Variants in VIPR2 observed in about 807,000 individuals in gnomAD.
VIPR2 encodes the protein vasoactive intestinal peptide receptor 2.
A neutral mutation model predicts 58.0 loss-of-function variants in VIPR2; 48 were observed. That is an observed-to-expected ratio of 0.83 (90% CI 0.66 to 1.05). VIPR2 has a LOEUF of 1.05. Among genes scored for constraint, VIPR2 ranks in the 50% least tolerant of loss-of-function variants. VIPR2 has a pLI of 0.00. For missense variants in VIPR2, 534 were observed against 558.0 expected (o/e 0.96, Z 0.43); for synonymous variants, 243 against 235.2 (o/e 1.03, Z -0.30).
intron 4 of VIPR2, among the ~76,000 whole-genome samples, chr7:159,069,946 T>C (rs1220725413): frequency 6.6e-6 from 1 of 152,198 alleles, no homozygotes; most frequent in African/African-American, 2.4e-5. Flanking sequence ...CTTCTGTAGT[T>C]TGTCAACCCG....
intron 2 of VIPR2, among the ~76,000 whole-genome samples, chr7:159,117,770 G>C (rs1796295454): frequency 6.6e-6 from 1 of 152,224 alleles, no homozygotes; most frequent in Non-Finnish European, 1.5e-5. Flanking sequence ...CAGTGACCAA[G>C]TGTCAGCAGG....
chr7:159,091,678 C>T (rs1857512629), intron 4 of VIPR2, among the ~76,000 whole-genome samples: 1 of 152,124 alleles, frequency 6.6e-6, no homozygotes, highest in Admixed American at 6.5e-5. Flanking sequence ...TGGCCTCCTC[C>T]TGTGGTTCCC....
At chr7:159,100,851 G>A (rs976442658) in intron 4 of VIPR2, among the ~76,000 whole-genome samples, 5 of 147,338 alleles carry the variant, frequency 3.4e-5, no homozygotes, top group Admixed American at 6.9e-5. Flanking sequence ...CTGTTCCCCC[G>A]ACTGTTCCTG....
chr7:159,040,916 C>G (rs1225967426), intron 6 of VIPR2, among the ~76,000 whole-genome samples: 1 of 152,206 alleles, frequency 6.6e-6, no homozygotes, highest in Non-Finnish European at 1.5e-5. Context: ...ATGCTTTTCC[C>G]TTTGCCTCTG....
At chr7:159,063,313 T>C (rs1855830714) in intron 4 of VIPR2, among the ~76,000 whole-genome samples, 1 of 152,150 alleles carries the variant, frequency 6.6e-6, no homozygotes, top group Admixed American at 6.5e-5. Context: ...CCGCGAGAAT[T>C]CGAGCACACT....
chr7:159,071,297 C>T (rs1224643503), intron 4 of VIPR2, among the ~76,000 whole-genome samples: 2 of 152,180 alleles, frequency 1.3e-5, no homozygotes, highest in Admixed American at 6.5e-5. Context: ...CCTAGGAGGC[C>T]TCTCCCTCTG....
At chr7:159,087,013 G>A (rs994581172) in intron 4 of VIPR2, among the ~76,000 whole-genome samples, 4 of 152,126 alleles carry the variant, frequency 2.6e-5, no homozygotes, top group East Asian at 1.9e-4. Context: ...AGTGAGATAC[G>A]TCTTCCCAAC....
intron 4 of VIPR2, among the ~76,000 whole-genome samples, chr7:159,062,302 C>T (rs1855730474): frequency 6.6e-6 from 1 of 152,140 alleles, no homozygotes; most frequent in Non-Finnish European, 1.5e-5. Context: ...GCGAGGTGTT[C>T]GTAATTCGTG....
intron 4 of VIPR2, among the ~76,000 whole-genome samples, chr7:159,073,291 A>G (rs866165372): frequency 1.3e-5 from 2 of 152,330 alleles, no homozygotes; most frequent in Middle Eastern, 3.4e-3. Context: ...CTAAATACAC[A>G]CACCTCAATC....
In VIPR2 at chr7:159,030,757, G is replaced by A; in HGVS notation, c.1176C>T (p.Ser392=). ...GGCTCGCGGACGGGGTCGGGCACCG[G>A]CTTCGCCATTTTCGCTTCAGCTCGC... ...VQCELKRKWR[S]RCPTPSASRD... is the part of the protein sequence containing the mutation. The change falls in exon 13 of 13, where the codon AGC becomes AGT. Residue 392 remains serine (S), a synonymous_variant. Transcript: ENST00000262178. The A allele has an allele frequency of 1.3e-6, 2 of 1,592,074 alleles. No homozygotes were observed. The highest frequency in any genetic ancestry group is 1.7e-6 in the Non-Finnish European group (2 of 1,170,898).
chr7:159,057,967 A>G (rs1432944297), intron 5 of VIPR2, among the ~76,000 whole-genome samples: 2 of 152,210 alleles, frequency 1.3e-5, no homozygotes, highest in African/African-American at 4.8e-5. Context: ...CGACACATCA[A>G]GTTCTCACAA....
rs988301148 is a variant in VIPR2, at chr7:159,098,120, G to A, written c.357+5637C>T. On this transcript the variant is annotated intron_variant, in intron 4 of 12. Transcript: ENST00000262178. This position sits in a 1 kb window ranked among gnomAD's most constrained non-coding sequence, Gnocchi z 5.2. ...CCACTGCCGCTCCCGTCCTCTGCCTGAGCTGTTCTGTTTTCCACGCAGTGG... is the reference window on the plus strand; with the variant it reads ...CCACTGCCGCTCCCGTCCTCTGCCTAAGCTGTTCTGTTTTCCACGCAGTGG... Among the ~76,000 whole-genome samples the A allele has an allele frequency of 4.6e-5, 7 of 152,186 alleles. No individual in the cohort carries two copies. The highest frequency in any genetic ancestry group is 1.7e-4 in the African/African-American group (7 of 41,448).
intron 4 of VIPR2, among the ~76,000 whole-genome samples, chr7:159,076,246 GA>G (rs1365756061): frequency 6.6e-6 from 1 of 152,070 alleles, no homozygotes; most frequent in Non-Finnish European, 1.5e-5. Context: ...TTACATATTA[GA>G]AAAGAAAAAA....
intron 4 of VIPR2, among the ~76,000 whole-genome samples, chr7:159,070,183 T>C (rs796599019): frequency 4.6e-5 from 7 of 150,956 alleles, no homozygotes; most frequent in African/African-American, 1.7e-4. Context: ...ACTTTAAAAA[T>C]CTTCTTTGTG....
At position 159,128,997 on chromosome 7, in the gene VIPR2, A is replaced by C. The variant is rs1796762754; in HGVS notation, c.151+13449T>G. ...CACCCCCTCCCTCCTGTGAGCTCCC[A>C]CAGCACATTTTGGTGCCAGGAGACG... On this transcript the variant is annotated intron_variant, in intron 2 of 12. Transcript: ENST00000262178. This position sits in a 1 kb window ranked among gnomAD's most constrained non-coding sequence, Gnocchi z 4.1. 6.6e-6 allele frequency among the ~76,000 whole-genome samples: 1 copy of C among 152,206 alleles called. No individual in the cohort carries two copies. The highest frequency in any genetic ancestry group is 2.1e-4 in the South Asian group (1 of 4,824).
chr7:159,144,543 G>A (rs1797613594), intron 1 of VIPR2, 178 bp downstream of exon 1: 2 of 1,494,638 alleles, frequency 1.3e-6, no homozygotes, highest in Non-Finnish European at 9.0e-7. Flanking sequence ...CCGGAGCTCA[G>A]CGCTTCACGC....
chr7:159,063,803 G>T (rs1423202753), intron 4 of VIPR2, among the ~76,000 whole-genome samples: 4 of 101,102 alleles, frequency 4.0e-5, no homozygotes, highest in African/African-American at 1.4e-4. Context: ...TCCTGGTGGG[G>T]TCCGGGGGTC....
At chr7:159,032,248 CT>C (rs1190299745) in intron 10 of VIPR2, among the ~76,000 whole-genome samples, 181 bp from the exon 11 acceptor site, 1 of 152,236 alleles carries the variant, frequency 6.6e-6, no homozygotes. Context: ...TCTGAGGCCC[CT>C]GTGCATATCT....
chr7:159,032,966 A>T (rs930852041), intron 10 of VIPR2, among the ~76,000 whole-genome samples: 4 of 151,934 alleles, frequency 2.6e-5, no homozygotes, highest in African/African-American at 9.7e-5. Context: ...GCGGGGTCTG[A>T]CATGGAATCC....
Sources: gnomAD v4.1 joint callset for allele counts (sites outside exome capture counted in the v4.1 genomes callset) on GRCh38, gnomAD v4.1.1 for gene constraint, Gnocchi (gnomAD v3.1) non-coding constraint, MANE v1.5 for transcripts, NCBI Gene and HGNC (gene_info 2026-07-23, HGNC 2026-07-21) for gene names.